Variants in APBA1 observed in about 807,000 individuals in gnomAD.
The protein encoded by APBA1 is amyloid-beta A4 precursor protein-binding family A member 1.
In APBA1, 55 loss-of-function variants were observed where a neutral mutation model predicts 86.6. The ratio of observed to expected loss-of-function variants is 0.64; its 90% CI spans 0.51 to 0.80. The LOEUF (loss-of-function observed/expected upper bound fraction) is 0.80, where lower values mean the gene tolerates loss of function less well. APBA1 is among the 30% of genes least tolerant of loss of function. APBA1 has a pLI of 0.00. For synonymous variants in APBA1, 511 were observed against 493.9 expected, an observed-to-expected ratio of 1.03 and a Z score of -0.46; for missense variants, 1,090 against 1,183.0, an observed-to-expected ratio of 0.92 and a Z score of 1.15.
rs113460198 is a variant in APBA1, at chr9:69,457,681, C to T, written c.1515+475G>A. 2.6e-4 allele frequency among the ~76,000 whole-genome samples: 40 copies of T among 152,268 alleles called. 3 individuals carry two copies. In the East Asian group the frequency reaches 4.2e-3, roughly 16 times the overall value. ...TTAAGAAAGAGCCCCAATGCCTCAA[C>T]GTCCCAGGAGTAGTAGCTCATAAGC... On this transcript the variant is annotated intron_variant, in intron 6 of 12. Transcript: ENST00000265381.
intron 1 of APBA1, among the ~76,000 whole-genome samples, chr9:69,603,347 T>C (rs1391812376): frequency 3.9e-5 from 6 of 152,350 alleles, no homozygotes; most frequent in African/African-American, 1.2e-4. Context: ...CTTTGAATTT[T>C]TGGAAGAAAG....
intron 1 of APBA1, among the ~76,000 whole-genome samples, chr9:69,592,995 G>C (rs936252165): frequency 6.6e-6 from 1 of 152,120 alleles, no homozygotes; most frequent in Non-Finnish European, 1.5e-5. Context: ...AATGATAAAG[G>C]CTTCTGCAAC....
chr9:69,433,917 T>G (rs1834649386), intron 11 of APBA1, among the ~76,000 whole-genome samples: 1 of 151,400 alleles, frequency 6.6e-6, no homozygotes, highest in South Asian at 2.1e-4. Context: ...GTTCAGGTGA[T>G]CCTCCTGCCT....
At chr9:69,487,201 C>G (rs751987885) in intron 2 of APBA1, among the ~76,000 whole-genome samples, 3 of 151,968 alleles carry the variant, frequency 2.0e-5, no homozygotes, top group Non-Finnish European at 2.9e-5. Context: ...ATTCAAGGAT[C>G]CTGACAAAGT....
intron 11 of APBA1, among the ~76,000 whole-genome samples, chr9:69,435,233 T>C (rs1834686418): frequency 6.6e-6 from 1 of 152,096 alleles, no homozygotes; most frequent in South Asian, 2.1e-4. Context: ...TTTGCTATTG[T>C]GAATAGTGCC....
intron 2 of APBA1, among the ~76,000 whole-genome samples, chr9:69,514,294 G>GA (rs569448830): frequency 2.4e-3 from 359 of 152,242 alleles, no homozygotes; most frequent in South Asian, 8.7e-3. Flanking sequence ...TAGGGTGGGT[G>GA]AAAAAAACTG....
chr9:69,596,362 C>T (rs1460777996), intron 1 of APBA1, among the ~76,000 whole-genome samples: 1 of 152,106 alleles, frequency 6.6e-6, no homozygotes, highest in African/African-American at 2.4e-5. Context: ...TTATTCTTTC[C>T]AGGCATCTAA....
intron 1 of APBA1, among the ~76,000 whole-genome samples, chr9:69,532,418 G>A (rs903328894): frequency 5.9e-5 from 9 of 152,180 alleles, no homozygotes; most frequent in South Asian, 4.1e-4. Flanking sequence ...AGTGTGGGTG[G>A]CAGGAACCTG....
At chr9:69,578,251 C>T (rs946432466) in intron 1 of APBA1, among the ~76,000 whole-genome samples, 12 of 152,208 alleles carry the variant, frequency 7.9e-5, no homozygotes, top group Non-Finnish European at 1.5e-5. Context: ...TACACTGGAG[C>T]ACGGATCCAA....
intron 2 of APBA1, among the ~76,000 whole-genome samples, chr9:69,505,264 A>T (rs926492024): frequency 3.3e-5 from 5 of 152,054 alleles, no homozygotes; most frequent in Non-Finnish European, 5.9e-5. Context: ...CCCTTAACAT[A>T]AGGCTTTGGG....
At chr9:69,627,070 G>A (rs1221739539) in intron 1 of APBA1, among the ~76,000 whole-genome samples, 1 of 152,138 alleles carries the variant, frequency 6.6e-6, no homozygotes, top group Non-Finnish European at 1.5e-5. Context: ...TGAAACTAAT[G>A]CACTCTGTGG....
At chr9:69,567,144 A>C (rs1837039669) in intron 1 of APBA1, among the ~76,000 whole-genome samples, 1 of 152,184 alleles carries the variant, frequency 6.6e-6, no homozygotes, top group Admixed American at 6.5e-5. Context: ...TTCAACAAGT[A>C]TTTGTTGAAT....
intron 2 of APBA1, among the ~76,000 whole-genome samples, chr9:69,514,471 C>T (rs772970072): frequency 1.1e-4 from 17 of 152,272 alleles, no homozygotes; most frequent in Non-Finnish European, 1.8e-4. Context: ...CGCCTGTCAT[C>T]CCAGCTACTC....
At chr9:69,505,741 G>C (rs1405664985) in intron 2 of APBA1, among the ~76,000 whole-genome samples, 1 of 152,068 alleles carries the variant, frequency 6.6e-6, no homozygotes, top group Non-Finnish European at 1.5e-5. Context: ...CTTCAGGCCG[G>C]GTGTGGTGGC....
At chr9:69,619,675 AG>A (rs1346830844) in intron 1 of APBA1, among the ~76,000 whole-genome samples, 5 of 152,238 alleles carry the variant, frequency 3.3e-5, no homozygotes, top group African/African-American at 1.2e-4. Flanking sequence ...AAAACAGAGA[AG>A]CCAAGTTGAA....
chr9:69,540,122 G>GCAACAACAACAACAACAACAACAA (rs56405500), intron 1 of APBA1, among the ~76,000 whole-genome samples: 4 of 148,468 alleles, frequency 2.7e-5, no homozygotes, highest in Admixed American at 6.8e-5. Context: ...CTCCATCTCG[G>GCAACAACAACAACAACAACAACAA]CAACAACAAC....
chr9:69,672,531 G>T (rs1204376723), upstream of APBA1, among the ~76,000 whole-genome samples: 1 of 147,096 alleles, frequency 6.8e-6, no homozygotes, highest in African/African-American at 2.4e-5. Flanking sequence ...TCGCCCACTC[G>T]CGTGCGCGCG....
intron 2 of APBA1, among the ~76,000 whole-genome samples, chr9:69,514,671 G>A (rs900151018): frequency 6.6e-6 from 1 of 152,174 alleles, no homozygotes; most frequent in Admixed American, 6.5e-5. Flanking sequence ...CACTTGGGGA[G>A]GCCGAGGTGA....
intron 1 of APBA1, among the ~76,000 whole-genome samples, chr9:69,551,884 A>G (rs1309337938): frequency 1.3e-5 from 2 of 152,112 alleles, no homozygotes; most frequent in African/African-American, 2.4e-5. Flanking sequence ...CTCTTTCTCT[A>G]CTTCCCTTAA....
Sources: gnomAD v4.1 joint callset for allele counts (sites outside exome capture counted in the v4.1 genomes callset) on GRCh38, gnomAD v4.1.1 for gene constraint, MANE v1.5 for transcripts, NCBI Gene and HGNC (gene_info 2026-07-23, HGNC 2026-07-21) for gene names.